The following ABCC4 variants were observed in gnomAD, a reference collection of about 807,000 sequenced individuals.
ABCC4 encodes ATP binding cassette subfamily C member 4 (PEL blood group).
In ABCC4, 102 loss-of-function variants were observed where a neutral mutation model predicts 168.5. That is an observed-to-expected ratio of 0.61 (90% CI 0.52 to 0.71). The LOEUF (loss-of-function observed/expected upper bound fraction) is 0.71. Ranked by LOEUF, ABCC4 falls within the 30% of genes least tolerant of loss-of-function variation. The probability of loss-of-function intolerance (pLI) is 0.00; values close to 1 mark genes in which losing one functional copy is unlikely to be tolerated. For missense variants in ABCC4, 1,402 were observed against 1,605.8 expected (o/e 0.87, Z 2.17); for synonymous variants, 617 against 590.7 (o/e 1.04, Z -0.65).
In ABCC4 at chr13:95,285,759, T is replaced by C. The variant is rs145864210; in HGVS notation, c.74+15482A>G. 2.0e-5 allele frequency among the ~76,000 whole-genome samples: 3 copies of C among 152,202 alleles called. No individual in the cohort carries two copies. The East Asian group carries it at 5.8e-4, about 29-fold the overall frequency. Reference sequence around the variant, plus strand: ...ATATTGACTGTCCAGGAACAATGGATATCTGAGAATGTAGGAAAGCTAAGT... The same window carrying C: ...ATATTGACTGTCCAGGAACAATGGACATCTGAGAATGTAGGAAAGCTAAGT... On this transcript the variant is annotated intron_variant, in intron 1 of 30. Transcript: ENST00000645237.
intron 1 of ABCC4, among the ~76,000 whole-genome samples, chr13:95,296,282 G>C (rs1566609598): frequency 6.6e-6 from 1 of 151,436 alleles, no homozygotes; most frequent in Non-Finnish European, 1.5e-5. Flanking sequence ...CCAGGATTTT[G>C]AGACCAGCCT....
chr13:95,209,566 C>A lies in ABCC4; in HGVS notation c.653G>T (p.Gly218Val). The change falls in exon 6 of 31, where the codon GGA becomes GTA. Residue 218 changes from glycine to valine, a missense_variant. Physicochemically the swap from Gly to Val is moderately radical, Grantham distance 109. Coordinates refer to ENST00000645237, the MANE Select transcript of ABCC4 (RefSeq NM_005845.5). ...AGTCACTGCAATCGCCTGCAGTGGTCCTGCCCACAGGAAGTGTAAGAACAC... is the reference window on the plus strand; with the variant it reads ...AGTCACTGCAATCGCCTGCAGTGGTACTGCCCACAGGAAGTGTAAGAACAC... The part of the protein sequence containing the change: ...VTVFLHFLWA[G>V]PLQAIAVTAL... 5.0e-6 allele frequency: 8 copies of A among 1,613,878 alleles called. No individual in the cohort carries two copies. Among genetic ancestry groups the A allele is most frequent in the Non-Finnish European group, 6.8e-6 (8 of 1,179,894 alleles).
chr13:95,166,098 TC>T (rs981897779), intron 15 of ABCC4, 59 bp downstream of exon 15: 1 of 1,422,534 alleles, frequency 7.0e-7, no homozygotes, highest in African/African-American at 1.4e-5. Flanking sequence ...AGACCAAAGA[TC>T]CATAAGGCCA....
chr13:95,250,949 G>A (rs1293060491), intron 1 of ABCC4, among the ~76,000 whole-genome samples: 1 of 151,604 alleles, frequency 6.6e-6, no homozygotes, highest in Non-Finnish European at 1.5e-5. Flanking sequence ...CACTGTGCCT[G>A]GCTAATATTT....
intron 25 of ABCC4, among the ~76,000 whole-genome samples, chr13:95,070,738 G>A (rs1253111939): frequency 6.6e-6 from 1 of 152,154 alleles, no homozygotes; most frequent in Non-Finnish European, 1.5e-5. Flanking sequence ...TGGGCCTGGG[G>A]CTCATTAAGG....
chr13:95,191,234 C>T (rs1459384178), intron 9 of ABCC4, among the ~76,000 whole-genome samples: 4 of 152,166 alleles, frequency 2.6e-5, no homozygotes, highest in Non-Finnish European at 4.4e-5. Flanking sequence ...TACCTGGAAA[C>T]GACTTAATGG....
At chr13:95,206,291 A>C (rs912500119) in intron 8 of ABCC4, among the ~76,000 whole-genome samples, 1 of 152,248 alleles carries the variant, frequency 6.6e-6, no homozygotes, top group Non-Finnish European at 1.5e-5. Context: ...CCACCTGTAC[A>C]TCAAAAGCCC....
intron 4 of ABCC4, among the ~76,000 whole-genome samples, chr13:95,219,507 T>C (rs2039252033): frequency 6.6e-6 from 1 of 152,200 alleles, no homozygotes; most frequent in Non-Finnish European, 1.5e-5. Context: ...ACCAAACTTC[T>C]GTCATCTTTT....
chr13:95,297,008 C>T (rs1329659255), intron 1 of ABCC4, among the ~76,000 whole-genome samples: 1 of 152,136 alleles, frequency 6.6e-6, no homozygotes. Flanking sequence ...CAGTGGCTCA[C>T]ACCTGTAATC....
intron 27 of ABCC4, among the ~76,000 whole-genome samples, chr13:95,052,249 G>A (rs1230670530): frequency 6.6e-6 from 1 of 152,142 alleles, no homozygotes; most frequent in Non-Finnish European, 1.5e-5. Context: ...CCAAAGTGCT[G>A]GGATTACAGG....
chr13:95,165,983 C>A (rs1313009396), intron 15 of ABCC4, among the ~76,000 whole-genome samples, 175 bp downstream of exon 15: 1 of 152,206 alleles, frequency 6.6e-6, no homozygotes, highest in Non-Finnish European at 1.5e-5. Flanking sequence ...TAACTCCAAC[C>A]AGGGTGGTTT....
chr13:95,300,331 C>T (rs1424208069), intron 1 of ABCC4, among the ~76,000 whole-genome samples: 1 of 152,104 alleles, frequency 6.6e-6, no homozygotes, highest in East Asian at 1.9e-4. Context: ...CCAGGGACCC[C>T]ACCTCCGAGC....
At chr13:95,135,235 T>C (rs1175781029) in intron 19 of ABCC4, among the ~76,000 whole-genome samples, 1 of 152,146 alleles carries the variant, frequency 6.6e-6, no homozygotes, top group African/African-American at 2.4e-5. Flanking sequence ...AAATGGTTTC[T>C]AGTTTTGCTC....
intron 26 of ABCC4, among the ~76,000 whole-genome samples, chr13:95,057,771 C>T (rs1345927023): frequency 6.6e-6 from 1 of 152,246 alleles, no homozygotes; most frequent in Non-Finnish European, 1.5e-5. Flanking sequence ...GCCATGCAGG[C>T]TAGACTTGCC....
chr13:95,236,982 C>T (rs1004482009), intron 3 of ABCC4, among the ~76,000 whole-genome samples: 1 of 152,204 alleles, frequency 6.6e-6, no homozygotes. Context: ...GGGCTATCAG[C>T]CAGACGCTCA....
intron 1 of ABCC4, among the ~76,000 whole-genome samples, chr13:95,283,480 C>T (rs2041181705): frequency 6.7e-6 from 1 of 150,348 alleles, no homozygotes; most frequent in African/African-American, 2.4e-5. Flanking sequence ...AGCAATGCCC[C>T]CATCTCAGCC....
At chr13:95,246,183 T>A (rs973739696) in intron 3 of ABCC4, among the ~76,000 whole-genome samples, 2 of 152,182 alleles carry the variant, frequency 1.3e-5, no homozygotes, top group Non-Finnish European at 2.9e-5. Flanking sequence ...TCTTTGATTT[T>A]TCATGGAATG....
chr13:95,070,786 G>A (rs2033697580), intron 25 of ABCC4, among the ~76,000 whole-genome samples: 1 of 152,184 alleles, frequency 6.6e-6, no homozygotes, highest in Admixed American at 6.5e-5. Flanking sequence ...AGCTGGCCAC[G>A]TAAGGATCAG....
In ABCC4 at chr13:95,087,401, C is replaced by T. The variant is rs138455808; in HGVS notation, c.2536-4111G>A. On this transcript the variant is annotated intron_variant, in intron 20 of 30. Transcript: ENST00000645237. Reference sequence around the variant, plus strand: ...GGGCGTGGTGGTGCATGCCTGCAATCCCAGCTACTTGGGAGGCTGAGGCTT... The same window carrying T: ...GGGCGTGGTGGTGCATGCCTGCAATTCCAGCTACTTGGGAGGCTGAGGCTT... Among the ~76,000 whole-genome samples the T allele has an allele frequency of 4.7e-3, 714 of 152,238 alleles. 8 individuals carry two copies. The highest frequency in any genetic ancestry group is 0.015 in the South Asian group (70 of 4,826).
Sources: allele counts gnomAD v4.1 joint callset (sites outside exome capture counted in the v4.1 genomes callset), GRCh38; gene constraint gnomAD v4.1.1; transcripts MANE v1.5; gene names NCBI Gene and HGNC (gene_info 2026-07-23, HGNC 2026-07-21).